The following SIN3A variants were observed in gnomAD, a reference collection of about 807,000 sequenced individuals.
SIN3A encodes the protein paired amphipathic helix protein Sin3a.
SIN3A carries 14 observed loss-of-function variants against 146.1 expected under a neutral mutation model. The observed-to-expected ratio is 0.10, with a 90% CI of 0.06 to 0.15. The LOEUF is 0.15. Among genes scored for constraint, SIN3A ranks in the 10% least tolerant of loss-of-function variants. The probability of loss-of-function intolerance (pLI) is 1.00; values close to 1 mark genes in which losing one functional copy is unlikely to be tolerated. For missense variants in SIN3A, 1,028 were observed against 1,576.0 expected, an observed-to-expected ratio of 0.65 and a Z score of 5.89; for synonymous variants, 572 against 572.0, an observed-to-expected ratio of 1.00 and a Z score of 0.00.
intron 15 of SIN3A, among the ~76,000 whole-genome samples, chr15:75,391,468 G>A (rs1460401107): frequency 6.6e-6 from 1 of 151,078 alleles, no homozygotes; most frequent in Non-Finnish European, 1.5e-5. Flanking sequence ...TAGAAAGCTA[G>A]GGCCATATCT....
At chr15:75,449,968 CAG>C (rs959397840) in intron 1 of SIN3A, among the ~76,000 whole-genome samples, 34 of 152,002 alleles carry the variant, frequency 2.2e-4, no homozygotes, top group African/African-American at 9.7e-5. Flanking sequence ...TTAGTAGAAA[CAG>C]GGTTTCGCCA....
chr15:75,379,856 T>G (rs2072932293), intron 19 of SIN3A, among the ~76,000 whole-genome samples: 1 of 152,236 alleles, frequency 6.6e-6, no homozygotes, highest in Admixed American at 6.5e-5. Flanking sequence ...TAAAATTCTG[T>G]GCAGAAAAGA....
intron 13 of SIN3A, among the ~76,000 whole-genome samples, chr15:75,395,331 A>ATTTT: frequency 6.6e-6 from 1 of 152,224 alleles, no homozygotes; most frequent in East Asian, 1.9e-4. Context: ...ACTAAGACAA[A>ATTTT]AAAAAGCACT....
intron 12 of SIN3A, 140 bp from the exon 13 acceptor site, chr15:75,396,636 C>T (rs1448630579): frequency 4.8e-6 from 3 of 625,328 alleles, no homozygotes; most frequent in African/African-American, 3.7e-5. Flanking sequence ...AAGACTGTTT[C>T]TTTATCAGCA....
Position 75,412,781 on chromosome 15 carries a change from T to G in SIN3A, c.738A>C (p.Pro246=), listed in dbSNP as rs778298312. ...TGCTCACCTTGCTGACTTTGGCAGG[T>G]GGGGGCTGAGGAGCTGGCTGGGCAG... ...PAPAQPAPQP[P]PAKVSKPSQL... Residue 246 remains proline, a synonymous_variant, in exon 5 of 21, where the codon CCA becomes CCC. Coordinates refer to ENST00000394947, the MANE Select transcript of SIN3A (RefSeq NM_001145358.2). 6.3e-7 allele frequency: 1 copy of G among 1,587,382 alleles called. No homozygotes were observed. The highest frequency in any genetic ancestry group is 8.6e-7 in the Non-Finnish European group (1 of 1,165,196).
Position 75,412,917 on chromosome 15 carries a change from T to G in SIN3A, c.602A>C (p.Asn201Thr). 1 of 1,614,078 alleles carries G rather than the reference T, an allele frequency of 6.2e-7. No homozygotes were observed. The highest frequency in any genetic ancestry group is 8.5e-7 in the Non-Finnish European group (1 of 1,179,998). ...KIEVQTNDMV[N>T]VTTPGQVHQI... ...ATGAACCTGGCCAGGAGTTGTCACA[T>G]TCACCATGTCATTGGTTTGCACCTC... Residue 201 changes from asparagine (N) to threonine (T), a missense_variant, in exon 5 of 21, where the codon AAT (asparagine) becomes ACT (threonine). By Grantham distance (65) the Asn-to-Thr change is moderately conservative (BLOSUM62 0). This residue lies in a region of SIN3A where 112 missense variants were observed against 135.7 expected (regional missense o/e 0.83). Coordinates refer to ENST00000394947, the MANE Select transcript of SIN3A (RefSeq NM_001145358.2).
At chr15:75,393,888 T>A (rs1362943705) in intron 14 of SIN3A, among the ~76,000 whole-genome samples, 1 of 152,008 alleles carries the variant, frequency 6.6e-6, no homozygotes, top group Non-Finnish European at 1.5e-5. Flanking sequence ...GCTCACTGCA[T>A]CCTCCACCTC....
In SIN3A at chr15:75,418,757, TG is replaced by T. The variant is rs1195019285; in HGVS notation, c.366+3889del. Among the ~76,000 whole-genome samples, 4 of 151,716 alleles carry T rather than the reference TG, an allele frequency of 2.6e-5. No individual in the cohort carries two copies. In the East Asian group the frequency reaches 7.8e-4, roughly 30 times the overall value. On this transcript the variant is annotated intron_variant, in intron 3 of 20. Coordinates refer to ENST00000394947, the MANE Select transcript of SIN3A (RefSeq NM_001145358.2). Reference sequence around the variant, plus strand: ...GGATTGAGACAAATGGCCGCTTTTTTGTTTTTGTTTTTTTTGAGACAGAGTC... The same window carrying T: ...GGATTGAGACAAATGGCCGCTTTTTTTTTTTGTTTTTTTTGAGACAGAGTC...
chr15:75,407,531 A>G (rs1205771045), intron 8 of SIN3A, among the ~76,000 whole-genome samples: 1 of 152,178 alleles, frequency 6.6e-6, no homozygotes, highest in Non-Finnish European at 1.5e-5. Flanking sequence ...CTGTTTGTAA[A>G]AAGAGCTCAC....
intron 9 of SIN3A, among the ~76,000 whole-genome samples, chr15:75,406,005 C>T (rs147903004): frequency 2.8e-4 from 43 of 152,194 alleles, no homozygotes; most frequent in African/African-American, 9.4e-4. Flanking sequence ...CTGCAAAAAG[C>T]TCACATAGGC....
Position 75,429,277 on chromosome 15 carries a change from C to T in SIN3A, c.189+910G>A, listed in dbSNP as rs527903275. 9.2e-5 allele frequency among the ~76,000 whole-genome samples: 14 copies of T among 152,096 alleles called. No homozygotes were observed. In the South Asian group the frequency reaches 1.7e-3, roughly 18 times the overall value. On this transcript the variant is annotated intron_variant, in intron 2 of 20. Transcript: ENST00000394947. ...CTCTACAAAAATCATAAAAATTAGC[C>T]AGGCATGGTGGTGTGCACCTGTAGT...
chr15:75,381,135 C>G (rs1173809023), intron 18 of SIN3A: 2 of 176,250 alleles, frequency 1.1e-5, no homozygotes, highest in East Asian at 2.8e-4. Flanking sequence ...ACATTCCCAC[C>G]AAAACAAGTC....
Position 75,372,057 on chromosome 15 carries a change from G to A in SIN3A, c.3744C>T (p.Thr1248=). 1.2e-6 allele frequency: 2 copies of A among 1,614,154 alleles called. No individual in the cohort carries two copies. Among genetic ancestry groups the A allele is most frequent in the South Asian group, 2.2e-5 (2 of 91,086 alleles). ...CAAAATGCAGGGTCTCTGTATCACAGGTGGTGGTACAGGGCACCAGGCCCT... is the reference window on the plus strand; with the variant it reads ...CAAAATGCAGGGTCTCTGTATCACAAGTGGTGGTACAGGGCACCAGGCCCT... ...GLEGLVPCTT[T]CDTETLHFVS... is the part of the protein sequence containing the mutation. Residue 1248 remains threonine, a synonymous_variant, in exon 21 of 21, where the codon ACC becomes ACT. Coordinates refer to ENST00000394947, the MANE Select transcript of SIN3A (RefSeq NM_001145358.2).
chr15:75,403,545 C>CT lies in SIN3A; in HGVS notation c.1408-1576dup, dbSNP rs1187541579. Among the ~76,000 whole-genome samples, 1,233 of 143,904 alleles carry CT rather than the reference C, an allele frequency of 8.6e-3. 21 individuals are homozygous for CT. Among genetic ancestry groups the CT allele is most frequent in the African/African-American group, 0.028 (1,097 of 39,628 alleles). 94.4% of individuals were successfully genotyped at this position (143,904 alleles called of 152,430 possible). A position where few individuals can be genotyped will look rare whatever the true frequency, so the allele number is the denominator to read the frequency against. Reference sequence around the variant, plus strand: ...ACTCAGGTTTTTGTTGCCTCTTTTTCTTTTTTTTTTTTGAGACCGAGTTTC... The same window carrying CT: ...ACTCAGGTTTTTGTTGCCTCTTTTTCTTTTTTTTTTTTTGAGACCGAGTTTC... On this transcript the variant is annotated intron_variant, in intron 9 of 20. Coordinates refer to ENST00000394947, the MANE Select transcript of SIN3A (RefSeq NM_001145358.2).
At chr15:75,405,095 G>A (rs534493417) in intron 9 of SIN3A, among the ~76,000 whole-genome samples, 1 of 152,040 alleles carries the variant, frequency 6.6e-6, no homozygotes, top group African/African-American at 2.4e-5. Context: ...GGCCAGGTGT[G>A]GTGGCTCACA....
In SIN3A at chr15:75,411,636, G is replaced by C; in HGVS notation, c.864C>G (p.Ile288Met). ...GCAAGGATGGGGCCGTTCCCAACGA[G>C]ATTGTCACTGGTGTGTGAGGCTGGA... is the stretch of plus-strand genomic sequence containing the variant. Reference protein sequence around the residue: ...PPVQPHTPVTISLGTAPSLQN... With the variant: ...PPVQPHTPVTMSLGTAPSLQN... The change falls in exon 6 of 21, where the codon ATC becomes ATG. Residue 288 changes from isoleucine to methionine, a missense_variant. By Grantham distance (10) the Ile-to-Met change is conservative. Coordinates refer to ENST00000394947, the MANE Select transcript of SIN3A (RefSeq NM_001145358.2). 1.2e-6 allele frequency: 2 copies of C among 1,614,216 alleles called. No homozygotes were observed. The highest frequency in any genetic ancestry group is 1.7e-5 in the Admixed American group (1 of 60,014).
intron 17 of SIN3A, among the ~76,000 whole-genome samples, chr15:75,383,553 G>C (rs1225665760): frequency 6.6e-6 from 1 of 150,626 alleles, no homozygotes; most frequent in Non-Finnish European, 1.5e-5. Flanking sequence ...TTTTGAGACG[G>C]AGTCTCGCTC....
At chr15:75,439,861 A>T (rs1195831346) in intron 1 of SIN3A, among the ~76,000 whole-genome samples, 2 of 151,972 alleles carry the variant, frequency 1.3e-5, no homozygotes, top group Non-Finnish European at 2.9e-5. Context: ...TGTAAAAATT[A>T]AAAATAACGC....
At chr15:75,375,962 G>T in intron 19 of SIN3A, 90 bp from the exon 20 acceptor site, 2 of 1,262,520 alleles carry the variant, frequency 1.6e-6, no homozygotes, top group Non-Finnish European at 2.3e-6. Context: ...TTATATGCTT[G>T]CATAGTACTC....
Sources: gnomAD v4.1 joint callset for allele counts (sites outside exome capture counted in the v4.1 genomes callset) on GRCh38, gnomAD v4.1.1 for gene constraint, gnomAD v4.1.1 regional missense constraint, MANE v1.5 for transcripts, NCBI Gene and HGNC (gene_info 2026-07-23, HGNC 2026-07-21) for gene names.